Variants in KCNH5 observed in about 807,000 individuals in gnomAD.
The protein encoded by KCNH5 is potassium voltage-gated channel subfamily H member 5.
In KCNH5, 46 loss-of-function variants were observed where a neutral mutation model predicts 96.1. The ratio of observed to expected loss-of-function variants is 0.48; its 90% CI spans 0.38 to 0.61. KCNH5 has a LOEUF of 0.61. KCNH5 is among the 20% of genes least tolerant of loss of function. KCNH5 has a pLI of 0.00. For missense variants in KCNH5, 907 were observed against 1,225.8 expected (o/e 0.74, Z 3.88); for synonymous variants, 439 against 449.8 (o/e 0.98, Z 0.30).
At chr14:62,954,973 G>A (rs1005384663) in intron 6 of KCNH5, among the ~76,000 whole-genome samples, 7 of 151,894 alleles carry the variant, frequency 4.6e-5, no homozygotes, top group African/African-American at 9.7e-5. Context: ...ACAACACCTC[G>A]GAATTATGGA....
intron 8 of KCNH5, among the ~76,000 whole-genome samples, chr14:62,842,035 G>A (rs562629320): frequency 8.5e-5 from 13 of 152,232 alleles, no homozygotes; most frequent in African/African-American, 2.2e-4. Flanking sequence ...AAATTTCAAC[G>A]TGATACAAGA....
At chr14:62,785,042 T>C (rs1276682278) in intron 9 of KCNH5, among the ~76,000 whole-genome samples, 1 of 152,180 alleles carries the variant, frequency 6.6e-6, no homozygotes, top group Non-Finnish European at 1.5e-5. Flanking sequence ...ATACTAATTG[T>C]TTCATTATAT....
At chr14:62,846,426 C>A (rs1021270612) in intron 8 of KCNH5, among the ~76,000 whole-genome samples, 1 of 151,978 alleles carries the variant, frequency 6.6e-6, no homozygotes, top group African/African-American at 2.4e-5. Flanking sequence ...TGTCAGTTAC[C>A]TTGTTATATA....
At position 62,862,823 on chromosome 14, in the gene KCNH5, A is replaced by C. The variant is rs115796155; in HGVS notation, c.1370-12971T>G. On this transcript the variant is annotated intron_variant, in intron 7 of 10. Transcript: ENST00000322893. ...TAAATGTAGCTGCCTGAGGAAACCC[A>C]AGCTAAATGAGCAGAAGAACCAATT... 3.3e-3 allele frequency among the ~76,000 whole-genome samples: 495 copies of C among 152,302 alleles called. 3 individuals carry two copies. Among genetic ancestry groups the C allele is most frequent in the African/African-American group, 0.012 (484 of 41,558 alleles).
At chr14:62,950,881 G>A (rs549711520) in intron 6 of KCNH5, among the ~76,000 whole-genome samples, 33 of 152,176 alleles carry the variant, frequency 2.2e-4, no homozygotes, top group Non-Finnish European at 2.9e-4. Flanking sequence ...GCTCAAATGC[G>A]TTATATACAG....
intron 1 of KCNH5, among the ~76,000 whole-genome samples, chr14:63,030,037 A>C (rs75435182): frequency 0.011 from 1,749 of 152,302 alleles, 25 homozygotes; most frequent in African/African-American, 0.03. Flanking sequence ...GTTTTGGAAA[A>C]GTGATGCCTT....
At chr14:63,004,751 T>G (rs1443462233) in intron 3 of KCNH5, among the ~76,000 whole-genome samples, 5 of 152,138 alleles carry the variant, frequency 3.3e-5, no homozygotes, top group African/African-American at 4.8e-5. Context: ...ACTATAGGCA[T>G]GTGCCTCCAT....
At chr14:62,931,071 T>A (rs1437542983) in intron 7 of KCNH5, among the ~76,000 whole-genome samples, 2 of 152,090 alleles carry the variant, frequency 1.3e-5, no homozygotes, top group African/African-American at 4.8e-5. Context: ...AGGGATGGCC[T>A]GGATCTAATG....
At chr14:63,022,554 T>C (rs1891448964) in intron 1 of KCNH5, among the ~76,000 whole-genome samples, 1 of 152,186 alleles carries the variant, frequency 6.6e-6, no homozygotes, top group South Asian at 2.1e-4. Flanking sequence ...ATCCTTTCCA[T>C]GGCCCACAAT....
At chr14:62,795,963 G>C (rs1324181306) in intron 9 of KCNH5, among the ~76,000 whole-genome samples, 1 of 152,122 alleles carries the variant, frequency 6.6e-6, no homozygotes, top group East Asian at 1.9e-4. Flanking sequence ...GCAACAACCT[G>C]CCAGGAAGAG....
At chr14:62,812,394 C>G (rs1286415232) in intron 8 of KCNH5, among the ~76,000 whole-genome samples, 1 of 152,122 alleles carries the variant, frequency 6.6e-6, no homozygotes, top group Non-Finnish European at 1.5e-5. Context: ...ATAGGATTCA[C>G]TGTTAAGTTG....
intron 7 of KCNH5, among the ~76,000 whole-genome samples, chr14:62,859,934 G>A (rs1162192385): frequency 6.6e-6 from 1 of 152,242 alleles, no homozygotes; most frequent in Non-Finnish European, 1.5e-5. Context: ...TGGCAGGAAT[G>A]GAGACCATGG....
intron 1 of KCNH5, among the ~76,000 whole-genome samples, chr14:63,027,453 T>C (rs761824929): frequency 1.6e-4 from 24 of 150,220 alleles, no homozygotes; most frequent in Admixed American, 2.7e-4. Flanking sequence ...TCCTAGACTA[T>C]CTTTTTAAAA....
intron 3 of KCNH5, among the ~76,000 whole-genome samples, chr14:63,003,546 T>TACATA (rs1891060872): frequency 3.6e-4 from 41 of 112,746 alleles, no homozygotes; most frequent in African/African-American, 1.5e-3. Flanking sequence ...ATATATTATA[T>TACATA]ATAGTATATA....
At chr14:62,816,916 A>C (rs1489396722) in intron 8 of KCNH5, among the ~76,000 whole-genome samples, 1 of 150,990 alleles carries the variant, frequency 6.6e-6, no homozygotes, top group Non-Finnish European at 1.5e-5. Flanking sequence ...TCCTGACCAA[A>C]TATGCAGTTG....
At chr14:62,947,401 C>G (rs1235598064) in intron 7 of KCNH5, among the ~76,000 whole-genome samples, 1 of 152,068 alleles carries the variant, frequency 6.6e-6, no homozygotes, top group African/African-American at 2.4e-5. Flanking sequence ...CATTTTCCTG[C>G]TGAAAGCCTC....
chr14:62,793,311 T>C (rs755819253), intron 9 of KCNH5, among the ~76,000 whole-genome samples: 13 of 150,396 alleles, frequency 8.6e-5, no homozygotes, highest in Non-Finnish European at 1.6e-4. Flanking sequence ...GTTCTTACCA[T>C]GAAAAAAGGA....
At chr14:62,749,720 T>C (rs1885455910) in intron 10 of KCNH5, among the ~76,000 whole-genome samples, 1 of 152,216 alleles carries the variant, frequency 6.6e-6, no homozygotes, top group Non-Finnish European at 1.5e-5. Context: ...ACTCGAACCC[T>C]TAATAAGGCT....
chr14:62,818,110 G>GGGGGGGGGGGGAAGAAA (rs1887033498), intron 8 of KCNH5, among the ~76,000 whole-genome samples: 1 of 67,272 alleles, frequency 1.5e-5, no homozygotes, highest in Non-Finnish European at 2.8e-5. Context: ...AGCTGGGGGC[G>GGGGGGGGGGGGAAGAAA]GGGGGGGGGT....
Sources: gnomAD v4.1 joint callset for allele counts (sites outside exome capture counted in the v4.1 genomes callset) on GRCh38, gnomAD v4.1.1 for gene constraint, MANE v1.5 for transcripts, NCBI Gene and HGNC (gene_info 2026-07-23, HGNC 2026-07-21) for gene names.